Variants in NRXN3 observed in about 807,000 individuals in gnomAD.
The protein encoded by NRXN3 is neurexin 3.
A neutral mutation model predicts 137.6 loss-of-function variants in NRXN3; 32 were observed. The ratio of observed to expected loss-of-function variants is 0.23; its 90% CI spans 0.18 to 0.31. NRXN3 has a LOEUF of 0.31. Among genes scored for constraint, NRXN3 ranks in the 10% least tolerant of loss-of-function variants. The pLI is 1.00. For missense variants in NRXN3, 1,574 were observed against 2,062.5 expected, an observed-to-expected ratio of 0.76 and a Z score of 4.59; for synonymous variants, 798 against 784.5, an observed-to-expected ratio of 1.02 and a Z score of -0.29.
chr14:78,285,110 C>T (rs1361841658), intron 3 of NRXN3, among the ~76,000 whole-genome samples: 4 of 152,160 alleles, frequency 2.6e-5, no homozygotes, highest in Admixed American at 6.5e-5. Context: ...AGATTAGAAT[C>T]AGATGACCTT....
Position 79,399,008 on chromosome 14 carries a change from C to CAAAA in NRXN3, c.3263-68197_3263-68194dup, listed in dbSNP as rs34172134. ...TGGGCTACTGAGTGAGACTCCATCT[C>CAAAA]AAAAAAAAAAAAAAAAAAAGAAGAA... On this transcript the variant is annotated intron_variant, in intron 15 of 20. Transcript: ENST00000335750. 5.7e-3 allele frequency among the ~76,000 whole-genome samples: 433 copies of CAAAA among 75,740 alleles called. 9 individuals carry two copies. Among genetic ancestry groups the CAAAA allele is most frequent in the African/African-American group, 0.02 (360 of 18,168 alleles). The allele number at this position is 75,740 out of a possible 152,430, so 49.7% of individuals were successfully genotyped here.
intron 16 of NRXN3, among the ~76,000 whole-genome samples, chr14:79,593,952 A>T (rs1243775535): frequency 6.6e-6 from 1 of 152,210 alleles, no homozygotes; most frequent in African/African-American, 2.4e-5. Flanking sequence ...TAGTTCAGAT[A>T]CACTTAACAT....
chr14:78,330,567 G>A (rs947019094), intron 4 of NRXN3, among the ~76,000 whole-genome samples: 1 of 151,978 alleles, frequency 6.6e-6, no homozygotes, highest in African/African-American at 2.4e-5. Context: ...TAAAACTCAG[G>A]TTTTAAATTT....
At chr14:78,961,739 C>T (rs1293464704) in intron 11 of NRXN3, among the ~76,000 whole-genome samples, 2 of 152,298 alleles carry the variant, frequency 1.3e-5, no homozygotes, top group East Asian at 1.9e-4. Flanking sequence ...AATGCAAAGT[C>T]AGGCAGTACA....
chr14:79,617,052 GA>G (rs2098164813), intron 16 of NRXN3, among the ~76,000 whole-genome samples: 1 of 152,046 alleles, frequency 6.6e-6, no homozygotes, highest in Admixed American at 6.5e-5. Context: ...GCATTGCTTA[GA>G]TCCGTCCCAC....
intron 4 of NRXN3, among the ~76,000 whole-genome samples, chr14:78,304,356 A>G (rs1004749443): frequency 1.3e-5 from 2 of 152,192 alleles, no homozygotes; most frequent in Admixed American, 1.3e-4. Flanking sequence ...TTAAAGCTGA[A>G]TGATGAAGTA....
chr14:78,203,250 C>T (rs1378046901), intron 1 of NRXN3, among the ~76,000 whole-genome samples: 1 of 152,194 alleles, frequency 6.6e-6, no homozygotes, highest in East Asian at 1.9e-4. Context: ...TCCTTTGTTT[C>T]ACCCCCAACC....
intron 8 of NRXN3, among the ~76,000 whole-genome samples, chr14:78,789,916 C>T (rs1213188777): frequency 6.6e-6 from 1 of 152,066 alleles, no homozygotes; most frequent in East Asian, 1.9e-4. Flanking sequence ...TAACAGTTTA[C>T]CTGTTTGAGT....
chr14:79,553,278 C>T (rs1170535601), intron 16 of NRXN3, among the ~76,000 whole-genome samples: 1 of 151,082 alleles, frequency 6.6e-6, no homozygotes. Flanking sequence ...GCTCCTCTTA[C>T]AAGAAATGGA....
intron 4 of NRXN3, among the ~76,000 whole-genome samples, chr14:78,554,441 C>A (rs1388759656): frequency 1.3e-5 from 2 of 152,126 alleles, no homozygotes; most frequent in Non-Finnish European, 2.9e-5. Flanking sequence ...GAGGCACAAC[C>A]CCAAAACAGG....
At chr14:79,577,975 C>T (rs1421371974) in intron 16 of NRXN3, among the ~76,000 whole-genome samples, 1 of 152,168 alleles carries the variant, frequency 6.6e-6, no homozygotes. Context: ...TCACAATCTG[C>T]ACTGTTATTA....
chr14:78,413,508 C>T (rs1320095346), intron 4 of NRXN3, among the ~76,000 whole-genome samples: 1 of 152,188 alleles, frequency 6.6e-6, no homozygotes, highest in Non-Finnish European at 1.5e-5. Flanking sequence ...TGGTCTTGAA[C>T]TCCCGACCTC....
At chr14:79,684,367 G>A (rs1415919110) in intron 17 of NRXN3, among the ~76,000 whole-genome samples, 1 of 152,148 alleles carries the variant, frequency 6.6e-6, no homozygotes, top group East Asian at 1.9e-4. Context: ...TTGAAGCAAC[G>A]GTTGCAAATC....
At chr14:79,230,626 G>A (rs1428404377) in intron 15 of NRXN3, among the ~76,000 whole-genome samples, 1 of 152,144 alleles carries the variant, frequency 6.6e-6, no homozygotes, top group Non-Finnish European at 1.5e-5. Context: ...ACTGGCTTTG[G>A]TGATTCACAA....
At chr14:78,773,498 A>G (rs1225789497) in intron 8 of NRXN3, among the ~76,000 whole-genome samples, 2 of 152,200 alleles carry the variant, frequency 1.3e-5, no homozygotes, top group East Asian at 3.9e-4. Flanking sequence ...CAGAAGGATA[A>G]AGGAACCAAC....
intron 16 of NRXN3, among the ~76,000 whole-genome samples, chr14:79,528,574 A>G (rs2097142278): frequency 6.6e-6 from 1 of 152,128 alleles, no homozygotes; most frequent in Admixed American, 6.5e-5. Context: ...GTATATTCAA[A>G]TGTGAACAGT....
At chr14:79,333,504 T>C (rs2091964174) in intron 15 of NRXN3, among the ~76,000 whole-genome samples, 1 of 152,128 alleles carries the variant, frequency 6.6e-6, no homozygotes, top group Admixed American at 6.5e-5. Context: ...CTGATTAAGA[T>C]GATGTAGTGG....
chr14:78,300,427 C>G (rs919687674), intron 4 of NRXN3, among the ~76,000 whole-genome samples: 3 of 152,246 alleles, frequency 2.0e-5, no homozygotes, highest in Admixed American at 6.5e-5. Context: ...GCTGAGGGAG[C>G]AGCCTTGCTG....
chr14:79,420,048 G>A lies in NRXN3; in HGVS notation c.3263-47173G>A, dbSNP rs147531013. ...AGGAAAGAACCAGGACCAGTAGATA[G>A]AAGTTATGGGAAGAGATATTTTGGC... is the stretch of plus-strand genomic sequence containing the variant. On this transcript the variant is annotated intron_variant, in intron 15 of 20. Transcript: ENST00000335750. Among the ~76,000 whole-genome samples the A allele has an allele frequency of 8.4e-3, 1,279 of 151,816 alleles. 13 individuals are homozygous for A. The highest frequency in any genetic ancestry group is 0.029 in the African/African-American group (1,206 of 41,552).
Sources: gnomAD v4.1 joint callset for allele counts (sites outside exome capture counted in the v4.1 genomes callset) on GRCh38, gnomAD v4.1.1 for gene constraint, MANE v1.5 for transcripts, NCBI Gene and HGNC (gene_info 2026-07-23, HGNC 2026-07-21) for gene names.